Variants in PIP4K2A observed in about 807,000 individuals in gnomAD.
PIP4K2A encodes phosphatidylinositol-5-phosphate 4-kinase type 2 alpha, also known as phosphatidylinositol 5-phosphate 4-kinase type-2 alpha.
Under a neutral mutation model 42.9 loss-of-function variants are expected in PIP4K2A, and 14 were observed. The ratio of observed to expected loss-of-function variants is 0.33; its 90% CI spans 0.22 to 0.51. The LOEUF (loss-of-function observed/expected upper bound fraction) is 0.51. Among genes scored for constraint, PIP4K2A ranks in the 20% least tolerant of loss-of-function variants. PIP4K2A has a pLI of 0.97. For synonymous variants in PIP4K2A, 192 were observed against 192.2 expected (o/e 1.00, Z 0.01); for missense variants, 434 against 519.8 (o/e 0.83, Z 1.61).
Position 22,625,330 on chromosome 10 carries a change from G to T in PIP4K2A, c.145-15613C>A, listed in dbSNP as rs190402849. On this transcript the variant is annotated intron_variant, in intron 1 of 9. Transcript: ENST00000376573. ...AAAAAATCTCTAACGGAGAGCAAAA[G>T]ATTTTCTGTAGTGTTAAAATTACTG... Among the ~76,000 whole-genome samples, 396 of 152,234 alleles carry T rather than the reference G, an allele frequency of 2.6e-3. 4 individuals carry two copies. The highest frequency in any genetic ancestry group is 9.2e-3 in the African/African-American group (383 of 41,542).
At chr10:22,656,949 G>T (rs1280588832) in intron 1 of PIP4K2A, among the ~76,000 whole-genome samples, 1 of 152,070 alleles carries the variant, frequency 6.6e-6, no homozygotes, top group African/African-American at 2.4e-5. Context: ...TTTCAAAACT[G>T]ACTTTCAAAA....
chr10:22,628,747 G>A (rs532012574), intron 1 of PIP4K2A, among the ~76,000 whole-genome samples: 2 of 152,332 alleles, frequency 1.3e-5, no homozygotes, highest in East Asian at 3.9e-4. Context: ...AGAAAGCAAT[G>A]TCTGAGTTAG....
At chr10:22,703,976 G>T (rs557280240) in intron 1 of PIP4K2A, among the ~76,000 whole-genome samples, 2 of 152,262 alleles carry the variant, frequency 1.3e-5, no homozygotes, top group South Asian at 2.1e-4. Context: ...CAGGGGACGG[G>T]GCAGAGTGCA....
intron 1 of PIP4K2A, among the ~76,000 whole-genome samples, chr10:22,621,233 A>G (rs998981929): frequency 2.6e-5 from 4 of 152,168 alleles, no homozygotes; most frequent in Admixed American, 1.3e-4. Flanking sequence ...GAAACCAATC[A>G]ATCCCCTAAG....
At chr10:22,566,840 C>T (rs1836859406) in intron 6 of PIP4K2A, among the ~76,000 whole-genome samples, 1 of 152,182 alleles carries the variant, frequency 6.6e-6, no homozygotes, top group South Asian at 2.1e-4. Flanking sequence ...CCTGAGTGTC[C>T]TGTCCAAGTG....
At chr10:22,705,170 G>C (rs1029484173) in intron 1 of PIP4K2A, among the ~76,000 whole-genome samples, 3 of 151,970 alleles carry the variant, frequency 2.0e-5, no homozygotes, top group African/African-American at 7.3e-5. Flanking sequence ...TTCAGAGAGT[G>C]GAGAACATAT....
Position 22,664,226 on chromosome 10 carries a change from T to TACACAC in PIP4K2A, c.144+49956_144+49957insGTGTGT, listed in dbSNP as rs796292751. Among the ~76,000 whole-genome samples, 108 of 54,402 alleles carry TACACAC rather than the reference T, an allele frequency of 2.0e-3. 4 individuals carry two copies. The highest frequency in any genetic ancestry group is 7.9e-3 in the African/African-American group (102 of 12,974). The allele number at this position is 54,402 out of a possible 152,430, so 35.7% of individuals were successfully genotyped here. A position where few individuals can be genotyped will look rare whatever the true frequency, so the allele number is the denominator to read the frequency against. On this transcript the variant is annotated intron_variant, in intron 1 of 9. Coordinates refer to ENST00000376573, the MANE Select transcript of PIP4K2A (RefSeq NM_005028.5). ...ATACATATATATATATACATATATA[T>TACACAC]ATACACACACACACACACACACACA...
At chr10:22,573,606 G>C in intron 4 of PIP4K2A, 149 bp from the exon 5 acceptor site, 1 of 609,146 alleles carries the variant, frequency 1.6e-6, no homozygotes, top group Non-Finnish European at 2.8e-6. Flanking sequence ...CATTTGTACT[G>C]CTTACCAATC....
rs537412474 is a variant in PIP4K2A at position 22,535,005 on chromosome 10, G to A, written c.*2196C>T. 4.6e-5 allele frequency: 7 copies of A among 152,158 alleles called. No homozygotes were observed. The highest frequency in any genetic ancestry group is 9.7e-5 in the African/African-American group (4 of 41,420). 9.4% of individuals were successfully genotyped at this position (152,158 alleles called of 1,614,324 possible). ...CAAAAGTGCTTTATTTGTAAAGCCC[G>A]GCTCATGACTGGAGTGTATTGTTAG... On this transcript the variant is annotated 3_prime_UTR_variant, in exon 10 of 10. Transcript: ENST00000376573.
chr10:22,704,125 A>T (rs929006894), intron 1 of PIP4K2A, among the ~76,000 whole-genome samples: 1 of 152,184 alleles, frequency 6.6e-6, no homozygotes, highest in African/African-American at 2.4e-5. Flanking sequence ...TCATGACTGT[A>T]AAATGGTATA....
intron 3 of PIP4K2A, among the ~76,000 whole-genome samples, chr10:22,597,288 C>G (rs992089928): frequency 3.3e-5 from 5 of 152,194 alleles, no homozygotes; most frequent in African/African-American, 1.2e-4. Flanking sequence ...GAGTCAGGCA[C>G]TCACACAGCG....
intron 7 of PIP4K2A, among the ~76,000 whole-genome samples, chr10:22,544,325 G>A (rs1417139578): frequency 6.6e-6 from 1 of 152,046 alleles, no homozygotes; most frequent in African/African-American, 2.4e-5. Flanking sequence ...GTATGGTGGG[G>A]GTGGGGGTGC....
rs1228309140 is a variant in PIP4K2A at position 22,664,094 on chromosome 10, T to C, written c.144+50089A>G. ...ATATATACGTATATATATATACATA[T>C]ATATATATACATATATATATACATA... On this transcript the variant is annotated intron_variant, in intron 1 of 9. Coordinates refer to ENST00000376573, the MANE Select transcript of PIP4K2A (RefSeq NM_005028.5). Among the ~76,000 whole-genome samples the C allele has an allele frequency of 5.5e-4, 47 of 85,134 alleles. 1 individual carries two copies. Among genetic ancestry groups the C allele is most frequent in the African/African-American group, 3.7e-3 (43 of 11,700 alleles). 55.9% of individuals were successfully genotyped at this position (85,134 alleles called of 152,430 possible). A position where few individuals can be genotyped will look rare whatever the true frequency, so the allele number is the denominator to read the frequency against.
intron 1 of PIP4K2A, among the ~76,000 whole-genome samples, chr10:22,677,023 T>C (rs1407546203): frequency 6.6e-6 from 1 of 152,238 alleles, no homozygotes; most frequent in Non-Finnish European, 1.5e-5. Flanking sequence ...TGCAAATTAC[T>C]TTCCTTATAT....
At chr10:22,626,248 T>C (rs1354488050) in intron 1 of PIP4K2A, among the ~76,000 whole-genome samples, 1 of 151,038 alleles carries the variant, frequency 6.6e-6, no homozygotes, top group African/African-American at 2.5e-5. Flanking sequence ...TTCTAAAATA[T>C]ATTCTGCTTA....
intron 1 of PIP4K2A, among the ~76,000 whole-genome samples, chr10:22,675,862 T>C (rs1376263358): frequency 6.6e-6 from 1 of 152,180 alleles, no homozygotes; most frequent in African/African-American, 2.4e-5. Flanking sequence ...TCTCTGACAT[T>C]TCCCGACTTG....
At chr10:22,655,779 T>C (rs1034258206) in intron 1 of PIP4K2A, among the ~76,000 whole-genome samples, 3 of 152,258 alleles carry the variant, frequency 2.0e-5, no homozygotes, top group African/African-American at 7.2e-5. Flanking sequence ...TACTCATTTA[T>C]TGACTGTTGC....
intron 3 of PIP4K2A, among the ~76,000 whole-genome samples, chr10:22,605,172 C>G (rs1837879719): frequency 6.6e-6 from 1 of 151,910 alleles, no homozygotes; most frequent in African/African-American, 2.4e-5. Flanking sequence ...TGAAGTGACT[C>G]TGAATACACA....
intron 4 of PIP4K2A, among the ~76,000 whole-genome samples, chr10:22,579,662 T>G (rs1837212337): frequency 6.6e-6 from 1 of 152,030 alleles, no homozygotes; most frequent in Non-Finnish European, 1.5e-5. Context: ...TCCCAGCACT[T>G]TGGGAGGCAG....
Sources: allele counts gnomAD v4.1 joint callset (sites outside exome capture counted in the v4.1 genomes callset), GRCh38; gene constraint gnomAD v4.1.1; transcripts MANE v1.5; gene names NCBI Gene and HGNC (gene_info 2026-07-23, HGNC 2026-07-21).